PITPNC1: variants seen among roughly 807,000 people sequenced by gnomAD.
The protein encoded by PITPNC1 is phosphatidylinositol transfer protein cytoplasmic 1.
PITPNC1 carries 18 observed loss-of-function variants against 44.7 expected under a neutral mutation model. That is an observed-to-expected ratio of 0.40 (90% confidence interval 0.28 to 0.60). PITPNC1 has a LOEUF of 0.60. PITPNC1 is among the 20% of genes least tolerant of loss of function. PITPNC1 has a pLI of 0.39. For synonymous variants in PITPNC1, 141 were observed against 149.6 expected (o/e 0.94, Z 0.42); for missense variants, 290 against 418.4 (o/e 0.69, Z 2.68).
rs148980367 is a variant in PITPNC1 at position 67,388,613 on chromosome 17, C to T, written c.48+10411C>T. 1.3e-3 allele frequency among the ~76,000 whole-genome samples: 200 copies of T among 151,204 alleles called. 1 individual carries two copies. Among genetic ancestry groups the T allele is most frequent in the African/African-American group, 4.6e-3 (191 of 41,144 alleles). Reference sequence around the variant, plus strand: ...GGGATTACAGGCATGAGCCACTGCACCCGGCCTCTTTTGTTTTTTACTCTG... The same window carrying T: ...GGGATTACAGGCATGAGCCACTGCATCCGGCCTCTTTTGTTTTTTACTCTG... On this transcript the variant is annotated intron_variant, in intron 1 of 8. Coordinates refer to ENST00000581322, the MANE Select transcript of PITPNC1 (RefSeq NM_012417.4).
chr17:67,669,234 G>A (rs1002152065), intron 6 of PITPNC1, among the ~76,000 whole-genome samples: 2 of 152,190 alleles, frequency 1.3e-5, no homozygotes, highest in Admixed American at 1.3e-4. Flanking sequence ...AGCCTCCCGA[G>A]TAGCTGGGAT....
intron 1 of PITPNC1, among the ~76,000 whole-genome samples, chr17:67,513,464 A>G (rs535084174): frequency 1.4e-5 from 2 of 139,204 alleles, no homozygotes; most frequent in African/African-American, 5.6e-5. Flanking sequence ...TACATATACT[A>G]TATTTTTACT....
chr17:67,521,247 A>G (rs562196706), intron 1 of PITPNC1, among the ~76,000 whole-genome samples: 1 of 152,340 alleles, frequency 6.6e-6, no homozygotes, highest in East Asian at 1.9e-4. Context: ...GTTAAGCATC[A>G]GCGTCCAATA....
intron 1 of PITPNC1, among the ~76,000 whole-genome samples, chr17:67,486,989 C>T (rs1376204794): frequency 2.0e-5 from 3 of 151,680 alleles, no homozygotes; most frequent in Non-Finnish European, 2.9e-5. Flanking sequence ...GCTGAGACTG[C>T]ACCACCGCAC....
At chr17:67,609,718 C>T (rs75447547) in intron 5 of PITPNC1, among the ~76,000 whole-genome samples, 1,659 of 151,454 alleles carry the variant, frequency 0.011, 27 homozygotes, top group African/African-American at 0.037. Flanking sequence ...GCTCTGAGTC[C>T]GGCAAACTGT....
At chr17:67,669,237 G>T (rs369741642) in intron 6 of PITPNC1, among the ~76,000 whole-genome samples, 1 of 152,172 alleles carries the variant, frequency 6.6e-6, no homozygotes, top group African/African-American at 2.4e-5. Flanking sequence ...CTCCCGAGTA[G>T]CTGGGATGAT....
chr17:67,628,317 T>C (rs896063247), intron 5 of PITPNC1, among the ~76,000 whole-genome samples: 8 of 152,156 alleles, frequency 5.3e-5, no homozygotes, highest in African/African-American at 1.9e-4. Context: ...AGGGCTATCT[T>C]TGTAGTCCCT....
intron 4 of PITPNC1, among the ~76,000 whole-genome samples, chr17:67,566,907 A>G (rs752084782): frequency 6.6e-6 from 1 of 152,156 alleles, no homozygotes; most frequent in Non-Finnish European, 1.5e-5. Flanking sequence ...CTTGAATCCC[A>G]TCTCCTCTAT....
chr17:67,572,417 G>A (rs1004915382), intron 4 of PITPNC1, among the ~76,000 whole-genome samples: 4 of 136,288 alleles, frequency 2.9e-5, no homozygotes, highest in African/African-American at 1.1e-4. Flanking sequence ...CATTATTTGA[G>A]CAAACCTAAA....
chr17:67,379,228 C>T, intron 1 of PITPNC1: 1 of 985,762 alleles, frequency 1.0e-6, no homozygotes, highest in Non-Finnish European at 1.2e-6. Context: ...GCCACCCAGA[C>T]CGTCTTTATA....
chr17:67,692,280 A>G (rs1279133137), intron 8 of PITPNC1, among the ~76,000 whole-genome samples: 1 of 152,182 alleles, frequency 6.6e-6, no homozygotes, highest in Non-Finnish European at 1.5e-5. Flanking sequence ...TCCCCCGTCT[A>G]GTTCTGTATT....
At chr17:67,632,269 A>G in intron 6 of PITPNC1, 31 bp downstream of exon 6, 1 of 1,186,034 alleles carries the variant, frequency 8.4e-7, no homozygotes, top group Non-Finnish European at 1.3e-6. Context: ...GATGTGGAAG[A>G]TTCATTCATT....
At chr17:67,616,488 G>A (rs748972523) in intron 5 of PITPNC1, among the ~76,000 whole-genome samples, 10 of 152,122 alleles carry the variant, frequency 6.6e-5, no homozygotes, top group Non-Finnish European at 1.3e-4. Context: ...TGATTAGAAC[G>A]TTGTTTTTCC....
chr17:67,404,115 T>A (rs2038361953), intron 1 of PITPNC1, among the ~76,000 whole-genome samples: 1 of 152,226 alleles, frequency 6.6e-6, no homozygotes, highest in Non-Finnish European at 1.5e-5. Flanking sequence ...TTGATGTTAA[T>A]TCATTGTCAA....
At chr17:67,668,495 G>GGAGGATCACTTGAGGT (rs1252942154) in intron 6 of PITPNC1, among the ~76,000 whole-genome samples, 2 of 152,136 alleles carry the variant, frequency 1.3e-5, no homozygotes, top group African/African-American at 4.8e-5. Context: ...GGCCAAGAAG[G>GGAGGATCACTTGAGGT]GAGGATCACT....
At chr17:67,427,561 G>C (rs1331594299) in intron 1 of PITPNC1, among the ~76,000 whole-genome samples, 2 of 152,150 alleles carry the variant, frequency 1.3e-5, no homozygotes, top group Non-Finnish European at 2.9e-5. Context: ...CTCCTCACAA[G>C]AGTGAGTGAG....
At chr17:67,618,319 C>T (rs80292705) in intron 5 of PITPNC1, among the ~76,000 whole-genome samples, 34,206 of 143,514 alleles carry the variant, frequency 0.24, 4,201 homozygotes, top group East Asian at 0.43. Context: ...GAGCTGACAT[C>T]GCGCCACTGC....
intron 1 of PITPNC1, among the ~76,000 whole-genome samples, chr17:67,526,889 G>C (rs754986177): frequency 7.9e-5 from 12 of 152,166 alleles, no homozygotes; most frequent in Non-Finnish European, 1.5e-4. Flanking sequence ...GGTGTGTGGG[G>C]AAAGATCTGC....
rs2042570280 is a variant in PITPNC1, at chr17:67,674,594, AGG to A, written c.619-883_619-882del. Among the ~76,000 whole-genome samples, 3 of 147,734 alleles carry A rather than the reference AGG, an allele frequency of 2.0e-5. No homozygotes were observed. The Admixed American group carries it at 2.0e-4, about 10-fold the overall frequency. Reference sequence around the variant, plus strand: ...TTTTTAGGATATGTCATCAGAAAAGAGGGAATGTTAAGTGCTGTTCACTTTTT... The same window carrying A: ...TTTTTAGGATATGTCATCAGAAAAGAGAATGTTAAGTGCTGTTCACTTTTT... On this transcript the variant is annotated intron_variant, in intron 7 of 8. Coordinates refer to ENST00000581322, the MANE Select transcript of PITPNC1 (RefSeq NM_012417.4).
Sources: gnomAD v4.1 joint callset for allele counts (sites outside exome capture counted in the v4.1 genomes callset) on GRCh38, gnomAD v4.1.1 for gene constraint, MANE v1.5 for transcripts, NCBI Gene and HGNC (gene_info 2026-07-23, HGNC 2026-07-21) for gene names.